Variants in OTUD3 observed in about 807,000 individuals in gnomAD.
The protein encoded by OTUD3 is OTU domain-containing protein 3.
Under a neutral mutation model 46.2 loss-of-function variants are expected in OTUD3, and 24 were observed. The ratio of observed to expected loss-of-function variants is 0.52; its 90% CI spans 0.38 to 0.73. The LOEUF is 0.73. Among genes scored for constraint, OTUD3 ranks in the 30% least tolerant of loss-of-function variants. The probability of loss-of-function intolerance (pLI) is 0.00; values close to 1 mark genes in which losing one functional copy is unlikely to be tolerated. For missense variants in OTUD3, 455 were observed against 523.3 expected (o/e 0.87, Z 1.27); for synonymous variants, 189 against 195.4 (o/e 0.97, Z 0.27).
intron 2 of OTUD3, among the ~76,000 whole-genome samples, chr1:19,892,908 C>G (rs1166447977): frequency 6.6e-6 from 1 of 152,154 alleles, no homozygotes; most frequent in African/African-American, 2.4e-5. Flanking sequence ...GGGATTTTCT[C>G]ATTTCTCTGT....
In OTUD3 at chr1:19,882,425, C is replaced by A; in HGVS notation, c.-89C>A. On this transcript the variant is annotated 5_prime_UTR_variant, in exon 1 of 8. Coordinates refer to ENST00000375120, the MANE Select transcript of OTUD3 (RefSeq NM_015207.2). ...GTAGTCGTCGCCGGGCTCCGTTGCC[C>A]GCGCTGTTTTACCTTCCCAACGCTT... 7.7e-6 allele frequency: 10 copies of A among 1,299,866 alleles called. No individual in the cohort carries two copies. The highest frequency in any genetic ancestry group is 6.9e-5 in the South Asian group (3 of 43,224). The allele number at this position is 1,299,866 out of a possible 1,614,324, so 80.5% of individuals were successfully genotyped here.
In OTUD3 at chr1:19,912,366, A is replaced by G. The variant is rs2100343575; in HGVS notation, c.*4620A>G. 6.6e-6 allele frequency: 1 copy of G among 152,512 alleles called. No individual in the cohort carries two copies. The highest frequency in any genetic ancestry group is 2.1e-4 in the South Asian group (1 of 4,824). The allele number at this position is 152,512 out of a possible 1,614,324, so 9.4% of individuals were successfully genotyped here. A position where few individuals can be genotyped will look rare whatever the true frequency, so the allele number is the denominator to read the frequency against. On this transcript the variant is annotated 3_prime_UTR_variant, in exon 8 of 8. Coordinates refer to ENST00000375120, the MANE Select transcript of OTUD3 (RefSeq NM_015207.2). Reference sequence around the variant, plus strand: ...AGGCTTCACACATTTTCCCACTCTTACAGTTCATTTTTCATAGTAGGAAGG... The same window carrying G: ...AGGCTTCACACATTTTCCCACTCTTGCAGTTCATTTTTCATAGTAGGAAGG...
At position 19,911,230 on chromosome 1, in the gene OTUD3, CT is replaced by C. The variant is rs2045729791; in HGVS notation, c.*3487del. On this transcript the variant is annotated 3_prime_UTR_variant, in exon 8 of 8. Transcript: ENST00000375120. Reference sequence around the variant, plus strand: ...AAGGCTCTGTCTAGCCATGTTAAATCTTTAGACTCAGTCTGATGCCGTTTTT... The same window carrying C: ...AAGGCTCTGTCTAGCCATGTTAAATCTTAGACTCAGTCTGATGCCGTTTTT... 6.6e-6 allele frequency: 1 copy of C among 152,422 alleles called. No individual in the cohort carries two copies. The highest frequency in any genetic ancestry group is 2.1e-4 in the South Asian group (1 of 4,826). The allele number at this position is 152,422 out of a possible 1,614,324, so 9.4% of individuals were successfully genotyped here.
At chr1:19,887,491 G>A (rs769951399) in intron 1 of OTUD3, among the ~76,000 whole-genome samples, 6 of 152,130 alleles carry the variant, frequency 3.9e-5, no homozygotes, top group Non-Finnish European at 7.3e-5. Context: ...AGTCACATGC[G>A]GTTAGCAACC....
At position 19,898,640 on chromosome 1, in the gene OTUD3, A is replaced by G. The variant is rs1179505619; in HGVS notation, c.606+978A>G. 2.0e-5 allele frequency among the ~76,000 whole-genome samples: 3 copies of G among 151,822 alleles called. No homozygotes were observed. In the East Asian group the frequency reaches 5.9e-4, roughly 30 times the overall value. ...CTACTCGGGAGGCTGAGGCAGGAGA[A>G]TCACTTGTACCTGGGAGGTGGAGGT... On this transcript the variant is annotated intron_variant, in intron 4 of 7. Coordinates refer to ENST00000375120, the MANE Select transcript of OTUD3 (RefSeq NM_015207.2).
At chr1:19,891,351 C>T (rs935023935) in intron 2 of OTUD3, among the ~76,000 whole-genome samples, 3 of 152,200 alleles carry the variant, frequency 2.0e-5, no homozygotes, top group African/African-American at 7.2e-5. Context: ...ATGGCATTTT[C>T]ATCACAGGGC....
At chr1:19,899,861 A>C (rs2045562724) in intron 4 of OTUD3, among the ~76,000 whole-genome samples, 1 of 152,134 alleles carries the variant, frequency 6.6e-6, no homozygotes, top group Non-Finnish European at 1.5e-5. Flanking sequence ...CCTGTGTTTA[A>C]GACATATTTC....
Position 19,895,215 on chromosome 1 carries a change from T to A in OTUD3, c.483+735T>A, listed in dbSNP as rs576387332. On this transcript the variant is annotated intron_variant, in intron 3 of 7. Transcript: ENST00000375120. ...AGGTAACAGTGCCCTTTTTTTCATATGACACCTGCATATATTCCTTTGTAA... is the reference window on the plus strand; with the variant it reads ...AGGTAACAGTGCCCTTTTTTTCATAAGACACCTGCATATATTCCTTTGTAA... Among the ~76,000 whole-genome samples the A allele has an allele frequency of 3.3e-5, 5 of 152,348 alleles. No homozygotes were observed. The South Asian group carries it at 1.0e-3, about 32-fold the overall frequency.
At chr1:19,905,236 G>C (rs1025931104) in intron 6 of OTUD3, among the ~76,000 whole-genome samples, 3 of 152,064 alleles carry the variant, frequency 2.0e-5, no homozygotes, top group African/African-American at 7.2e-5. Context: ...AATGGGGTTG[G>C]GAGTACAGGG....
intron 3 of OTUD3, among the ~76,000 whole-genome samples, chr1:19,895,206 T>G (rs1282140130): frequency 6.6e-6 from 1 of 152,236 alleles, no homozygotes; most frequent in African/African-American, 2.4e-5. Flanking sequence ...CAGTGCCCTT[T>G]TTTTCATATG....
chr1:19,905,656 G>T (rs1215701449), intron 6 of OTUD3, among the ~76,000 whole-genome samples: 1 of 152,148 alleles, frequency 6.6e-6, no homozygotes, highest in African/African-American at 2.4e-5. Context: ...CAGGAGAATT[G>T]CTTGAACCTG....
intron 1 of OTUD3, among the ~76,000 whole-genome samples, chr1:19,883,269 G>A (rs1317304397): frequency 2.6e-5 from 4 of 152,164 alleles, no homozygotes; most frequent in African/African-American, 9.7e-5. Flanking sequence ...TTCCTTCCAT[G>A]GGCCTCAGTT....
Position 19,882,410 on chromosome 1 carries a change from C to T in OTUD3, c.-104C>T, listed in dbSNP as rs1267943224. 24 of 1,299,008 alleles carry T rather than the reference C, an allele frequency of 1.8e-5. No individual in the cohort carries two copies. The highest frequency in any genetic ancestry group is 2.3e-5 in the Non-Finnish European group (24 of 1,026,394). 80.5% of individuals were successfully genotyped at this position (1,299,008 alleles called of 1,614,324 possible). The stretch of plus-strand genomic sequence containing the variant: ...AGGCGCGGTTGCTGCGTAGTCGTCG[C>T]CGGGCTCCGTTGCCCGCGCTGTTTT... On this transcript the variant is annotated 5_prime_UTR_variant, in exon 1 of 8. Coordinates refer to ENST00000375120, the MANE Select transcript of OTUD3 (RefSeq NM_015207.2).
At chr1:19,900,925 T>TG (rs1186982060) in intron 4 of OTUD3, among the ~76,000 whole-genome samples, 24 of 147,762 alleles carry the variant, frequency 1.6e-4, no homozygotes, top group African/African-American at 4.2e-4. Flanking sequence ...TGTTTTTTTT[T>TG]TTTTTTTTTT....
At position 19,910,495 on chromosome 1, in the gene OTUD3, T is replaced by C. The variant is rs2045720947; in HGVS notation, c.*2749T>C. The C allele has an allele frequency of 6.6e-6, 1 of 152,334 alleles. No homozygotes were observed. Among genetic ancestry groups the C allele is most frequent in the South Asian group, 2.1e-4 (1 of 4,832 alleles). 9.4% of individuals were successfully genotyped at this position (152,334 alleles called of 1,614,324 possible). ...GCATAGAACCATAACTTCTAGATAATGTAGTTGCCACTAGGAGATATTAGA... is the reference window on the plus strand; with the variant it reads ...GCATAGAACCATAACTTCTAGATAACGTAGTTGCCACTAGGAGATATTAGA... On this transcript the variant is annotated 3_prime_UTR_variant, in exon 8 of 8. Coordinates refer to ENST00000375120, the MANE Select transcript of OTUD3 (RefSeq NM_015207.2).
In OTUD3 at chr1:19,903,812, G is replaced by A. The variant is rs201178668; in HGVS notation, c.607-455G>A. 5.9e-5 allele frequency among the ~76,000 whole-genome samples: 9 copies of A among 152,178 alleles called. No individual in the cohort carries two copies. In the East Asian group the frequency reaches 1.5e-3, roughly 26 times the overall value. On this transcript the variant is annotated intron_variant, in intron 4 of 7. Coordinates refer to ENST00000375120, the MANE Select transcript of OTUD3 (RefSeq NM_015207.2). ...GACGGGAGCTTCAGTACCTCTAAGC[G>A]TGCTGATGATCAAATAAGGCTTGGG...
chr1:19,897,356 G>A (rs1278298851), intron 3 of OTUD3, among the ~76,000 whole-genome samples, 184 bp from the exon 4 acceptor site: 1 of 152,128 alleles, frequency 6.6e-6, no homozygotes, highest in Admixed American at 6.5e-5. Flanking sequence ...ATAAGCATAC[G>A]GAAGCATACA....
At chr1:19,886,594 C>A (rs4654910) in intron 1 of OTUD3, among the ~76,000 whole-genome samples, 16,352 of 152,044 alleles carry the variant, frequency 0.11, 999 homozygotes, top group Admixed American at 0.15. Context: ...TAGAGTGGGG[C>A]CTGGTTATTG....
intron 1 of OTUD3, among the ~76,000 whole-genome samples, chr1:19,884,740 G>A (rs4654738): frequency 0.22 from 33,237 of 151,986 alleles, 3,910 homozygotes; most frequent in Non-Finnish European, 0.28. Flanking sequence ...GAATGAAAAA[G>A]GTACATTACA....
Sources: gnomAD v4.1 joint callset for allele counts (sites outside exome capture counted in the v4.1 genomes callset) on GRCh38, gnomAD v4.1.1 for gene constraint, MANE v1.5 for transcripts, NCBI Gene and HGNC (gene_info 2026-07-23, HGNC 2026-07-21) for gene names.